The following KIF6 variants were observed in gnomAD, a reference collection of about 807,000 sequenced individuals.
The protein encoded by KIF6 is kinesin-like protein KIF6.
KIF6 carries 106 observed loss-of-function variants against 112.7 expected under a neutral mutation model. The ratio of observed to expected loss-of-function variants is 0.94; its 90% CI spans 0.80 to 1.11. The LOEUF is 1.11. Ranked by LOEUF, KIF6 falls within the 50% of genes least tolerant of loss-of-function variation. KIF6 has a pLI of 0.00. For missense variants in KIF6, 929 were observed against 964.0 expected (o/e 0.96, Z 0.48); for synonymous variants, 339 against 339.9 (o/e 1.00, Z 0.03).
At chr6:39,442,480 G>A (rs1473199414) in intron 13 of KIF6, among the ~76,000 whole-genome samples, 2 of 152,200 alleles carry the variant, frequency 1.3e-5, no homozygotes, top group Non-Finnish European at 2.9e-5. Context: ...AGAAATCCGT[G>A]GACAGACGCA....
At position 39,655,848 on chromosome 6, in the gene KIF6, T is replaced by G. The variant is rs141378920; in HGVS notation, c.252-16091A>C. ...CATAGATTTATAATACAGTCTGATA[T>G]CTGCCAAGCAAGTCTACCATCTTTG... On this transcript the variant is annotated intron_variant, in intron 3 of 22. Coordinates refer to ENST00000287152, the MANE Select transcript of KIF6 (RefSeq NM_145027.6). Among the ~76,000 whole-genome samples the G allele has an allele frequency of 1.3e-3, 197 of 152,340 alleles. 1 individual carries two copies. The highest frequency in any genetic ancestry group is 3.5e-3 in the Admixed American group (53 of 15,296).
Position 39,584,904 on chromosome 6 carries a change from G to T in KIF6, c.1071C>A (p.Pro357=). ...NEAVLNEEIN[P]RLVIKRLQKE... is the part of the protein sequence containing the mutation. ...ATCGTTAAAAGTTGCTTACTAATCTGGGGTTAATTTCTTCATTAAGAACAG... is the reference window on the plus strand; with the variant it reads ...ATCGTTAAAAGTTGCTTACTAATCTTGGGTTAATTTCTTCATTAAGAACAG... The change falls in exon 9 of 23, where the codon CCC becomes CCA. Residue 357 remains proline (P), a synonymous_variant. Coordinates refer to ENST00000287152, the MANE Select transcript of KIF6 (RefSeq NM_145027.6). 6.3e-7 allele frequency: 1 copy of T among 1,597,056 alleles called. No homozygotes were observed. The highest frequency in any genetic ancestry group is 8.6e-7 in the Non-Finnish European group (1 of 1,165,882).
intron 7 of KIF6, among the ~76,000 whole-genome samples, chr6:39,591,509 A>G (rs1781952584): frequency 6.6e-6 from 1 of 152,218 alleles, no homozygotes; most frequent in South Asian, 2.1e-4. Context: ...GCAAAAAAGC[A>G]CTCAGTGATA....
At chr6:39,359,673 C>T (rs1764979999) in intron 18 of KIF6, among the ~76,000 whole-genome samples, 1 of 152,156 alleles carries the variant, frequency 6.6e-6, no homozygotes, top group South Asian at 2.1e-4. Context: ...GCAGCCTCGA[C>T]CTCCCAGGCT....
At chr6:39,617,084 T>C (rs1374412984) in intron 5 of KIF6, among the ~76,000 whole-genome samples, 1 of 152,132 alleles carries the variant, frequency 6.6e-6, no homozygotes, top group Non-Finnish European at 1.5e-5. Context: ...TTTGATTTTT[T>C]TTAACAGGCC....
intron 13 of KIF6, among the ~76,000 whole-genome samples, chr6:39,535,147 A>G (rs147768887): frequency 9.8e-5 from 15 of 152,322 alleles, no homozygotes; most frequent in Non-Finnish European, 2.2e-4. Context: ...GGAAGAAACC[A>G]CATCAACTAA....
At chr6:39,413,516 G>C (rs1769647574) in intron 15 of KIF6, among the ~76,000 whole-genome samples, 1 of 152,152 alleles carries the variant, frequency 6.6e-6, no homozygotes, top group Non-Finnish European at 1.5e-5. Flanking sequence ...ATAGGGATTG[G>C]TTCAGAGATG....
intron 1 of KIF6, among the ~76,000 whole-genome samples, chr6:39,724,872 G>A (rs1240370163): frequency 3.3e-5 from 5 of 152,188 alleles, no homozygotes; most frequent in Non-Finnish European, 5.9e-5. Context: ...CTGCATGTGC[G>A]GTGCTGCGTG....
intron 16 of KIF6, among the ~76,000 whole-genome samples, chr6:39,365,628 C>G (rs1765500881): frequency 6.6e-6 from 1 of 152,220 alleles, no homozygotes; most frequent in Non-Finnish European, 1.5e-5. Context: ...ACAAACAATT[C>G]CTTTTTAAAA....
At chr6:39,544,486 G>A (rs763656527) in intron 12 of KIF6, 69 bp downstream of exon 12, 9 of 1,509,838 alleles carry the variant, frequency 6.0e-6, no homozygotes, top group Middle Eastern at 3.5e-4. Context: ...ATGTGGCTCA[G>A]GAAAGACTGC....
At chr6:39,466,131 C>T (rs76676451) in intron 13 of KIF6, among the ~76,000 whole-genome samples, 9,201 of 152,236 alleles carry the variant, frequency 0.06, 494 homozygotes, top group East Asian at 0.25. Flanking sequence ...CAGGGTCTCA[C>T]GTGTGTAGTG....
In KIF6 at chr6:39,444,559, T is replaced by G. The variant is rs1222975174; in HGVS notation, c.1646-13398A>C. ...AGATCTTAAGATCTCTTTTAGCAAA[T>G]ATCATGTATACAATACAGTATTATT... is the stretch of plus-strand genomic sequence containing the variant. On this transcript the variant is annotated intron_variant, in intron 13 of 22. Coordinates refer to ENST00000287152, the MANE Select transcript of KIF6 (RefSeq NM_145027.6). Among the ~76,000 whole-genome samples the G allele has an allele frequency of 2.6e-5, 4 of 152,102 alleles. 1 individual carries two copies. Among genetic ancestry groups the G allele is most frequent in the Admixed American group, 2.6e-4 (4 of 15,274 alleles).
chr6:39,496,628 A>T (rs566513913), intron 13 of KIF6, among the ~76,000 whole-genome samples: 2 of 152,276 alleles, frequency 1.3e-5, no homozygotes, highest in East Asian at 1.9e-4. Flanking sequence ...ATCTATTTTT[A>T]TGAGAAAATC....
chr6:39,556,733 AAAG>A (rs1779728483), intron 10 of KIF6, among the ~76,000 whole-genome samples: 1 of 152,172 alleles, frequency 6.6e-6, no homozygotes, highest in Non-Finnish European at 1.5e-5. Flanking sequence ...CACCTTTGAG[AAAG>A]AAGTTTATTG....
intron 10 of KIF6, among the ~76,000 whole-genome samples, chr6:39,553,234 T>A (rs1779490965): frequency 1.3e-5 from 2 of 152,192 alleles, no homozygotes; most frequent in African/African-American, 4.8e-5. Flanking sequence ...GCTCTTTTTT[T>A]AAATAACAGT....
chr6:39,463,188 T>C (rs1310218986), intron 13 of KIF6, among the ~76,000 whole-genome samples: 2 of 152,186 alleles, frequency 1.3e-5, no homozygotes, highest in African/African-American at 4.8e-5. Flanking sequence ...CATGTAATCT[T>C]ATGGTGTCCC....
rs1778953430 is a variant in KIF6 at position 39,544,386 on chromosome 6, T to C, written c.1426+169A>G. The C allele has an allele frequency of 1.0e-5, 5 of 499,178 alleles. No homozygotes were observed. In the East Asian group the frequency reaches 1.7e-4, roughly 17 times the overall value. The allele number at this position is 499,178 out of a possible 1,614,324, so 30.9% of individuals were successfully genotyped here. A position where few individuals can be genotyped will look rare whatever the true frequency, so the allele number is the denominator to read the frequency against. On this transcript the variant is annotated intron_variant, in intron 12 of 22. Coordinates refer to ENST00000287152, the MANE Select transcript of KIF6 (RefSeq NM_145027.6). ...TTTTTTTCTTTTATAGAAACTCTTT[T>C]TCACTGGTTGCAATACTTTGCTGAA...
chr6:39,719,563 C>T (rs1026522321), intron 2 of KIF6, among the ~76,000 whole-genome samples: 1 of 152,010 alleles, frequency 6.6e-6, no homozygotes, highest in South Asian at 2.1e-4. Flanking sequence ...CCCCAGAAAT[C>T]AAAAGTGGAG....
At position 39,596,198 on chromosome 6, in the gene KIF6, C is replaced by G. The variant is rs374567626; in HGVS notation, c.702G>C (p.Lys234Asn). Residue 234 changes from lysine (K) to asparagine (N), a missense_variant, in exon 7 of 23, where the codon AAG becomes AAC. Physicochemically the swap from Lys to Asn is moderately conservative, Grantham distance 94 (BLOSUM62 0). Transcript: ENST00000287152. ...HCIFTIHLSSKEPGSATVRHA... is the reference protein window; with the variant it reads ...HCIFTIHLSSNEPGSATVRHA... ...GTCGTACAGTTGCAGATCCTGGTTCCTTGCTTGACAAATGAATGGTGAAAA... is the reference window on the plus strand; with the variant it reads ...GTCGTACAGTTGCAGATCCTGGTTCGTTGCTTGACAAATGAATGGTGAAAA... The G allele has an allele frequency of 1.9e-6, 3 of 1,613,926 alleles. No homozygotes were observed. In the African/African-American group the frequency reaches 4.0e-5, roughly 22 times the overall value.
Sources: gnomAD v4.1 joint callset for allele counts (sites outside exome capture counted in the v4.1 genomes callset) on GRCh38, gnomAD v4.1.1 for gene constraint, MANE v1.5 for transcripts, NCBI Gene and HGNC (gene_info 2026-07-23, HGNC 2026-07-21) for gene names.